The following CYP3A7 variants were observed in gnomAD, a reference collection of about 807,000 sequenced individuals.
The protein encoded by CYP3A7 is cytochrome P450 3A7.
In CYP3A7, 45 loss-of-function variants were observed where a neutral mutation model predicts 55.2. The ratio of observed to expected loss-of-function variants is 0.82; its 90% CI spans 0.64 to 1.05. The LOEUF is 1.05. Ranked by LOEUF, CYP3A7 falls within the 50% of genes least tolerant of loss-of-function variation. CYP3A7 has a pLI of 0.00. For missense variants in CYP3A7, 548 were observed against 605.3 expected, an observed-to-expected ratio of 0.91 and a Z score of 0.99; for synonymous variants, 180 against 207.4, an observed-to-expected ratio of 0.87 and a Z score of 1.13.
intron 2 of CYP3A7, among the ~76,000 whole-genome samples, chr7:99,723,091 G>A (rs1435803753): frequency 6.6e-6 from 1 of 152,074 alleles, no homozygotes; most frequent in Non-Finnish European, 1.5e-5. Context: ...AAGAAGGTCC[G>A]AGGAATGTGT....
chr7:99,732,918 T>G (rs956085451), intron 1 of CYP3A7, among the ~76,000 whole-genome samples: 2 of 152,200 alleles, frequency 1.3e-5, no homozygotes, highest in African/African-American at 4.8e-5. Flanking sequence ...ATTAAGACCT[T>G]GTTTTCTCTT....
At chr7:99,716,300 G>A (rs1813946716) in intron 6 of CYP3A7, among the ~76,000 whole-genome samples, 1 of 152,156 alleles carries the variant, frequency 6.6e-6, no homozygotes, top group Non-Finnish European at 1.5e-5. Flanking sequence ...CAAGACAGGT[G>A]ACATTGCCTG....
At chr7:99,730,896 G>A in intron 2 of CYP3A7, 163 bp downstream of exon 2, 1 of 872,110 alleles carries the variant, frequency 1.1e-6, no homozygotes, top group Non-Finnish European at 1.7e-6. Context: ...GTTAGCAAGA[G>A]AGCCCCAGGG....
intron 3 of CYP3A7, 107 bp downstream of exon 3, chr7:99,722,189 G>T: frequency 7.2e-7 from 1 of 1,397,686 alleles, no homozygotes; most frequent in Non-Finnish European, 1.0e-6. Flanking sequence ...AGTTAGGCTG[G>T]CAAGAGCTTC....
At chr7:99,712,974 A>G (rs1813812106) in intron 9 of CYP3A7, among the ~76,000 whole-genome samples, 1 of 152,222 alleles carries the variant, frequency 6.6e-6, no homozygotes, top group South Asian at 2.1e-4. Context: ...TTCATAGTTG[A>G]TTAACCTGGT....
intron 10 of CYP3A7, 102 bp from the exon 11 acceptor site, chr7:99,709,363 C>T (rs1268473027): frequency 1.3e-6 from 2 of 1,500,010 alleles, no homozygotes; most frequent in Admixed American, 3.9e-5. Context: ...CAGAGAACAA[C>T]TCATACTGGC....
chr7:99,718,254 CT>C (rs1175231644), intron 4 of CYP3A7, among the ~76,000 whole-genome samples: 4 of 151,970 alleles, frequency 2.6e-5, no homozygotes, highest in Non-Finnish European at 5.9e-5. Flanking sequence ...CACATGTACC[CT>C]AAAAAAAGTA....
intron 3 of CYP3A7, 45 bp from the exon 4 acceptor site, chr7:99,720,457 C>A (rs760678949): frequency 6.2e-7 from 1 of 1,609,154 alleles, no homozygotes; most frequent in Non-Finnish European, 8.5e-7. Context: ...CAGCCTTATG[C>A]TACAGCTGGA....
Position 99,705,422 on chromosome 7 carries a change from A to AT in CYP3A7, c.*77dup, listed in dbSNP as rs1813482704. On this transcript the variant is annotated 3_prime_UTR_variant, in exon 13 of 13. Coordinates refer to ENST00000336374, the MANE Select transcript of CYP3A7 (RefSeq NM_000765.5). ...AAGCCCGTCTTCATTTCAGGGTTCT[A>AT]TTTGTAAAGTAATTTGAGGTCTCTG... is the stretch of plus-strand genomic sequence containing the variant. 1.3e-6 allele frequency: 2 copies of AT among 1,502,820 alleles called. No individual in the cohort carries two copies. The highest frequency in any genetic ancestry group is 1.8e-6 in the Non-Finnish European group (2 of 1,082,816). 93.1% of individuals were successfully genotyped at this position (1,502,820 alleles called of 1,614,324 possible).
chr7:99,716,383 C>G (rs1225797398), intron 6 of CYP3A7, among the ~76,000 whole-genome samples: 1 of 152,188 alleles, frequency 6.6e-6, no homozygotes, highest in Non-Finnish European at 1.5e-5. Context: ...TCCTGAGCTC[C>G]TAGAAATATC....
At chr7:99,723,271 ATT>A (rs1814275622) in intron 2 of CYP3A7, among the ~76,000 whole-genome samples, 1 of 152,154 alleles carries the variant, frequency 6.6e-6, no homozygotes, top group African/African-American at 2.4e-5. Context: ...ACAACGTTCC[ATT>A]ATGACTTGTT....
At chr7:99,720,176 TG>T in intron 4 of CYP3A7, 136 bp downstream of exon 4, 2 of 1,034,142 alleles carry the variant, frequency 1.9e-6, no homozygotes, top group Non-Finnish European at 2.9e-6. Flanking sequence ...GATGTTACCA[TG>T]GGGGATGGGC....
Position 99,735,140 on chromosome 7 carries a change from AGCGTGCTG to A in CYP3A7, c.-55_-48del. ...CTCTCCTCTGAGTCTTTTTTTCAGCAGCGTGCTGCTGTTTGCTGGGCTGTGTGTGTGGA... is the reference window on the plus strand; with the variant it reads ...CTCTCCTCTGAGTCTTTTTTTCAGCACTGTTTGCTGGGCTGTGTGTGTGGA... On this transcript the variant is annotated 5_prime_UTR_variant, in exon 1 of 13. Coordinates refer to ENST00000336374, the MANE Select transcript of CYP3A7 (RefSeq NM_000765.5). The A allele has an allele frequency of 1.2e-6, 2 of 1,611,874 alleles. No homozygotes were observed. The highest frequency in any genetic ancestry group is 3.3e-5 in the Admixed American group (2 of 59,912).
In CYP3A7 at chr7:99,709,022, AG is replaced by A; in HGVS notation, c.1253+12del. 1 of 1,613,822 alleles carries A rather than the reference AG, an allele frequency of 6.2e-7. No individual in the cohort carries two copies. The highest frequency in any genetic ancestry group is 1.7e-5 in the Admixed American group (1 of 59,980). On this transcript the variant is annotated intron_variant, in intron 11 of 12. Transcript: ENST00000336374. ...CTGGTTCAGGGAGGGCTCCCTTCCC[AG>A]GGGCCTCCTACCTTTCAGGGAGGAA...
intron 9 of CYP3A7, among the ~76,000 whole-genome samples, chr7:99,712,358 C>T (rs1404365340): frequency 6.6e-6 from 1 of 152,162 alleles, no homozygotes; most frequent in African/African-American, 2.4e-5. Flanking sequence ...GATGTGAAAC[C>T]AAACTATAAT....
chr7:99,719,666 A>G (rs1814106667), intron 4 of CYP3A7, among the ~76,000 whole-genome samples: 1 of 152,180 alleles, frequency 6.6e-6, no homozygotes. Context: ...CCTCTCAGAG[A>G]AAAACACTCG....
intron 2 of CYP3A7, among the ~76,000 whole-genome samples, chr7:99,722,676 C>T (rs2151522202): frequency 6.6e-6 from 1 of 152,246 alleles, no homozygotes; most frequent in South Asian, 2.1e-4. Context: ...CTTGAATGAT[C>T]ACCTCTAGGG....
intron 2 of CYP3A7, among the ~76,000 whole-genome samples, chr7:99,726,741 T>C (rs1194924995): frequency 1.3e-5 from 2 of 152,226 alleles, no homozygotes; most frequent in African/African-American, 2.4e-5. Flanking sequence ...CCTTCTACTC[T>C]GTAGTCCCTC....
chr7:99,715,774 T>A lies in CYP3A7; in HGVS notation c.654A>T (p.Pro218=), dbSNP rs2151512390. 1 of 1,613,842 alleles carries A rather than the reference T, an allele frequency of 6.2e-7. No individual in the cohort carries two copies. Among genetic ancestry groups the A allele is most frequent in the South Asian group, 1.1e-5 (1 of 91,080 alleles). ...TCCACATACTTATTGAGAGAACGAA[T>A]GGATCTAATGGATTAAATCTTAAAA... ...KKLLRFNPLD[P]FVLSIKVFPF... is the part of the protein sequence containing the mutation. Residue 218 remains proline, a synonymous_variant, in exon 7 of 13, where the codon CCA becomes CCT. Coordinates refer to ENST00000336374, the MANE Select transcript of CYP3A7 (RefSeq NM_000765.5).
Sources: gnomAD v4.1 joint callset for allele counts (sites outside exome capture counted in the v4.1 genomes callset) on GRCh38, gnomAD v4.1.1 for gene constraint, MANE v1.5 for transcripts, NCBI Gene and HGNC (gene_info 2026-07-23, HGNC 2026-07-21) for gene names.